The following CCDC170 variants were observed in gnomAD, a reference collection of about 807,000 sequenced individuals.
CCDC170 encodes coiled-coil domain containing 170, also known as coiled-coil domain-containing protein 170.
CCDC170 carries 69 observed loss-of-function variants against 72.6 expected under a neutral mutation model. The ratio of observed to expected loss-of-function variants is 0.95; its 90% confidence interval spans 0.78 to 1.16. CCDC170 has a LOEUF of 1.16. CCDC170 is among the 50% of genes most tolerant of loss of function. The pLI is 0.00. For synonymous variants in CCDC170, 300 were observed against 303.9 expected, an observed-to-expected ratio of 0.99 and a Z score of 0.13; for missense variants, 852 against 832.5, an observed-to-expected ratio of 1.02 and a Z score of -0.29.
intron 9 of CCDC170, among the ~76,000 whole-genome samples, chr6:151,611,339 G>A (rs753022370): frequency 3.9e-5 from 6 of 152,194 alleles, no homozygotes; most frequent in African/African-American, 1.2e-4. Flanking sequence ...TACCATAAAC[G>A]GGATGGCTTA....
intron 1 of CCDC170, among the ~76,000 whole-genome samples, chr6:151,526,153 C>T (rs1782406693): frequency 6.7e-6 from 1 of 148,894 alleles, no homozygotes; most frequent in African/African-American, 2.5e-5. Flanking sequence ...CCCTCTCTCC[C>T]TCCTTCCCTC....
intron 9 of CCDC170, among the ~76,000 whole-genome samples, chr6:151,610,268 A>G (rs1356629026): frequency 6.6e-6 from 1 of 152,238 alleles, no homozygotes; most frequent in Non-Finnish European, 1.5e-5. Flanking sequence ...ACTTATAATT[A>G]TGTATACATA....
intron 5 of CCDC170, among the ~76,000 whole-genome samples, chr6:151,564,497 G>A (rs962503245): frequency 3.9e-5 from 6 of 152,136 alleles, no homozygotes; most frequent in Non-Finnish European, 5.9e-5. Flanking sequence ...GCAGCAGCAG[G>A]TGGGTCTTTC....
chr6:151,600,335 A>C (rs898726828), intron 9 of CCDC170, among the ~76,000 whole-genome samples: 6 of 152,158 alleles, frequency 3.9e-5, no homozygotes, highest in Admixed American at 1.3e-4. Context: ...TTACTGTATT[A>C]GTTTCTTAGG....
At chr6:151,520,572 G>T (rs886081170) in intron 1 of CCDC170, among the ~76,000 whole-genome samples, 4 of 152,208 alleles carry the variant, frequency 2.6e-5, no homozygotes, top group African/African-American at 9.6e-5. Flanking sequence ...TGCCTTTGTA[G>T]TACTAAGACA....
At chr6:151,542,815 T>C (rs1485858888) in intron 3 of CCDC170, among the ~76,000 whole-genome samples, 5 of 152,186 alleles carry the variant, frequency 3.3e-5, no homozygotes. Flanking sequence ...ATGTATGGAA[T>C]CCTATATGTA....
At chr6:151,522,160 C>CA (rs370521229) in intron 1 of CCDC170, among the ~76,000 whole-genome samples, 2,834 of 142,448 alleles carry the variant, frequency 0.02, 27 homozygotes, top group Non-Finnish European at 0.028. Flanking sequence ...AATTCCATGT[C>CA]AAAAAAAAAA....
chr6:151,522,859 T>C (rs1782343587), intron 1 of CCDC170, among the ~76,000 whole-genome samples: 1 of 152,222 alleles, frequency 6.6e-6, no homozygotes, highest in African/African-American at 2.4e-5. Context: ...CGCATTTCTC[T>C]TCTTGCTTTC....
intron 9 of CCDC170, among the ~76,000 whole-genome samples, chr6:151,598,481 T>A (rs1002802999): frequency 6.6e-6 from 1 of 151,932 alleles, no homozygotes; most frequent in African/African-American, 2.4e-5. Context: ...GGCCCTGGGG[T>A]CATCACCTAG....
chr6:151,620,809 T>A lies in CCDC170; in HGVS notation c.*2662T>A, dbSNP rs1485405469. ...TAATATTTTAAAAACATGAAATTTT[T>A]TTTTCATTTTTGATTTGATATCATT... is the stretch of plus-strand genomic sequence containing the variant. On this transcript the variant is annotated 3_prime_UTR_variant, in exon 11 of 11. Transcript: ENST00000239374. 2.0e-5 allele frequency: 3 copies of A among 152,212 alleles called. No homozygotes were observed. The highest frequency in any genetic ancestry group is 4.4e-5 in the Non-Finnish European group (3 of 68,030). 9.4% of individuals were successfully genotyped at this position (152,212 alleles called of 1,614,324 possible).
chr6:151,534,968 C>A (rs1202768765), intron 1 of CCDC170, among the ~76,000 whole-genome samples: 1 of 152,138 alleles, frequency 6.6e-6, no homozygotes, highest in Non-Finnish European at 1.5e-5. Flanking sequence ...TTCACAAAGA[C>A]CACAGGCCTT....
intron 1 of CCDC170, among the ~76,000 whole-genome samples, chr6:151,527,699 A>AAG (rs575274469): frequency 1.3e-3 from 202 of 152,034 alleles, no homozygotes; most frequent in African/African-American, 4.5e-3. Context: ...GAGAAATAGA[A>AAG]AGAGAGAGAG....
chr6:151,611,395 A>T (rs1776868154), intron 9 of CCDC170, among the ~76,000 whole-genome samples: 1 of 152,208 alleles, frequency 6.6e-6, no homozygotes, highest in Admixed American at 6.5e-5. Flanking sequence ...GGAAGTTAAA[A>T]ATCAAGGTGC....
intron 5 of CCDC170, among the ~76,000 whole-genome samples, chr6:151,549,984 T>C (rs1782854397): frequency 6.6e-6 from 1 of 151,948 alleles, no homozygotes; most frequent in Non-Finnish European, 1.5e-5. Flanking sequence ...CCAAAGGACA[T>C]GGACCTTGTA....
chr6:151,579,681 T>A (rs528124169), intron 6 of CCDC170, among the ~76,000 whole-genome samples: 2 of 152,284 alleles, frequency 1.3e-5, no homozygotes, highest in South Asian at 4.2e-4. Flanking sequence ...GACTTCTAGT[T>A]GAGAGAAAGA....
chr6:151,600,488 C>T (rs1417459742), intron 9 of CCDC170, among the ~76,000 whole-genome samples: 2 of 152,074 alleles, frequency 1.3e-5, no homozygotes, highest in Admixed American at 1.3e-4. Context: ...CTTATAAGGA[C>T]ACCCATTGTT....
At chr6:151,549,824 A>G (rs1782852201) in intron 5 of CCDC170, among the ~76,000 whole-genome samples, 1 of 152,222 alleles carries the variant, frequency 6.6e-6, no homozygotes, top group African/African-American at 2.4e-5. Flanking sequence ...CACTCTGCAC[A>G]CTATATGTTT....
chr6:151,614,751 C>T (rs1029262807), intron 9 of CCDC170, among the ~76,000 whole-genome samples: 2 of 151,878 alleles, frequency 1.3e-5, no homozygotes, highest in Non-Finnish European at 2.9e-5. Flanking sequence ...CCACATCTGG[C>T]CTTAAATTCT....
At chr6:151,596,292 T>G in intron 8 of CCDC170, 43 bp from the exon 9 acceptor site, 1 of 1,542,616 alleles carries the variant, frequency 6.5e-7, no homozygotes, top group Non-Finnish European at 8.7e-7. Flanking sequence ...TATTTACTAT[T>G]GTTCAATTAT....
Sources: allele counts gnomAD v4.1 joint callset (sites outside exome capture counted in the v4.1 genomes callset), GRCh38; gene constraint gnomAD v4.1.1; transcripts MANE v1.5; gene names NCBI Gene and HGNC (gene_info 2026-07-23, HGNC 2026-07-21).